The following TFAP4 variants were observed in gnomAD, a reference collection of about 807,000 sequenced individuals.
TFAP4 encodes the protein activating enhancer-binding protein 4.
Under a neutral mutation model 40.4 loss-of-function variants are expected in TFAP4, and 7 were observed. The ratio of observed to expected loss-of-function variants is 0.17; its 90% CI spans 0.10 to 0.33. The LOEUF (loss-of-function observed/expected upper bound fraction) is 0.33. Ranked by LOEUF, TFAP4 falls within the 10% of genes least tolerant of loss-of-function variation. The probability of loss-of-function intolerance (pLI) is 1.00; values close to 1 mark genes in which losing one functional copy is unlikely to be tolerated. For synonymous variants in TFAP4, 218 were observed against 181.4 expected, an observed-to-expected ratio of 1.20 and a Z score of -1.62; for missense variants, 374 against 451.1, an observed-to-expected ratio of 0.83 and a Z score of 1.55.
Position 4,257,974 on chromosome 16 carries a change from C to G in TFAP4, c.*81G>C, listed in dbSNP as rs2052910239. ...ACATCGTAATTTTGTAAAAATTTCT[C>G]ACTCATTCGCCCATGTCTCTCCCTG... On this transcript the variant is annotated 3_prime_UTR_variant, in exon 7 of 7. Transcript: ENST00000204517. The G allele has an allele frequency of 2.2e-6, 3 of 1,352,034 alleles. No homozygotes were observed. Among genetic ancestry groups the G allele is most frequent in the Non-Finnish European group, 3.0e-6 (3 of 995,196 alleles). The allele number at this position is 1,352,034 out of a possible 1,614,324, so 83.8% of individuals were successfully genotyped here.
chr16:4,272,596 C>T, intron 1 of TFAP4, 62 bp downstream of exon 1: 3 of 1,388,274 alleles, frequency 2.2e-6, no homozygotes, highest in Non-Finnish European at 2.9e-6. Flanking sequence ...GCGCGCCCGC[C>T]CGGGCGGGCT....
rs34634533 is a variant in TFAP4, at chr16:4,257,311, T to TAAAAAAAAAAAAAAAAAAAAAAAAAAAAG, written c.*743_*744insCTTTTTTTTTTTTTTTTTTTTTTTTTTTT. On this transcript the variant is annotated 3_prime_UTR_variant, in exon 7 of 7. Transcript: ENST00000204517. The stretch of plus-strand genomic sequence containing the variant: ...CTTGAACACGAAGACCTCAAAATTG[T>TAAAAAAAAAAAAAAAAAAAAAAAAAAAAG]AAAAAAAAAAAAAAAAGAAAGAAAA... 8.7e-6 allele frequency: 1 copy of TAAAAAAAAAAAAAAAAAAAAAAAAAAAAG among 114,782 alleles called. No homozygotes were observed. The highest frequency in any genetic ancestry group is 1.8e-5 in the Non-Finnish European group (1 of 55,872). 7.1% of individuals were successfully genotyped at this position (114,782 alleles called of 1,614,324 possible).
Position 4,262,429 on chromosome 16 carries a change from G to A in TFAP4, c.256-7C>T. The A allele has an allele frequency of 6.2e-7, 1 of 1,614,150 alleles. No individual in the cohort carries two copies. The highest frequency in any genetic ancestry group is 8.5e-7 in the Non-Finnish European group (1 of 1,180,006). On this transcript the variant is annotated splice_polypyrimidine_tract_variant and splice_region_variant and intron_variant, in intron 2 of 6. Coordinates refer to ENST00000204517, the MANE Select transcript of TFAP4 (RefSeq NM_003223.3). ...TCTGCTGGAGAATGGCTGCCTGAGG[G>A]CGTGGAAAAGCCGAGAGTCAGGCTG...
intron 6 of TFAP4, chr16:4,258,465 G>A (rs2052917511): frequency 5.9e-6 from 3 of 506,182 alleles, no homozygotes; most frequent in South Asian, 5.6e-5. Flanking sequence ...CCAGGCTAGA[G>A]TGCAGTGGCA....
At chr16:4,258,300 C>A (rs1171715898) in intron 6 of TFAP4, 51 bp from the exon 7 acceptor site, 1 of 1,497,646 alleles carries the variant, frequency 6.7e-7, no homozygotes, top group South Asian at 1.3e-5. Context: ...ACATGGCCAG[C>A]CAGGAGACAG....
intron 6 of TFAP4, 190 bp from the exon 7 acceptor site, chr16:4,258,439 G>A (rs2052917146): frequency 3.6e-6 from 2 of 563,096 alleles, no homozygotes; most frequent in South Asian, 2.3e-5. Context: ...TTGGAGACAA[G>A]CTCTCGCTAT....
chr16:4,269,733 C>T (rs2053026414), intron 1 of TFAP4, among the ~76,000 whole-genome samples: 1 of 151,518 alleles, frequency 6.6e-6, no homozygotes, highest in African/African-American at 2.4e-5. Flanking sequence ...TTGCTTGAAC[C>T]CCGGAGGCAG....
intron 6 of TFAP4, 24 bp downstream of exon 6, chr16:4,260,066 T>C: frequency 6.2e-7 from 1 of 1,602,114 alleles, no homozygotes; most frequent in Non-Finnish European, 8.5e-7. Context: ...CCCCACAAGC[T>C]GCCCCTTTCT....
intron 1 of TFAP4, chr16:4,263,080 G>A (rs981796337): frequency 8.2e-6 from 2 of 244,324 alleles, no homozygotes; most frequent in African/African-American, 4.5e-5. Flanking sequence ...GCTGAAGTGG[G>A]AGGATCGCTT....
chr16:4,259,353 T>G (rs1374831690), intron 6 of TFAP4, among the ~76,000 whole-genome samples: 1 of 152,050 alleles, frequency 6.6e-6, no homozygotes, highest in Non-Finnish European at 1.5e-5. Flanking sequence ...CAGGCTGGTC[T>G]CGAACTCCTG....
At chr16:4,260,392 C>G in intron 5 of TFAP4, 63 bp downstream of exon 5, 2 of 1,517,446 alleles carry the variant, frequency 1.3e-6, no homozygotes, top group East Asian at 4.6e-5. Context: ...AGGCTTCCGC[C>G]ATTCAAGATC....
At chr16:4,271,594 G>A (rs1302790441) in intron 1 of TFAP4, among the ~76,000 whole-genome samples, 1 of 152,222 alleles carries the variant, frequency 6.6e-6, no homozygotes, top group Non-Finnish European at 1.5e-5. Flanking sequence ...TGGGTTTAGA[G>A]CAACCTAGGA....
At chr16:4,268,771 T>G (rs2053017489) in intron 1 of TFAP4, among the ~76,000 whole-genome samples, 1 of 151,904 alleles carries the variant, frequency 6.6e-6, no homozygotes, top group Non-Finnish European at 1.5e-5. Context: ...TTTTTGTATT[T>G]TTAGTAGAAA....
intron 3 of TFAP4, 65 bp from the exon 4 acceptor site, chr16:4,262,014 C>T: frequency 6.8e-7 from 1 of 1,480,280 alleles, no homozygotes; most frequent in Non-Finnish European, 9.0e-7. Context: ...GATTGGGGTT[C>T]CATCGCAGCC....
At chr16:4,270,157 A>AC (rs2053030040) in intron 1 of TFAP4, among the ~76,000 whole-genome samples, 1 of 152,064 alleles carries the variant, frequency 6.6e-6, no homozygotes, top group Non-Finnish European at 1.5e-5. Context: ...ATTCTGGGTG[A>AC]CAGAGTGAGA....
At chr16:4,269,667 G>A (rs988718550) in intron 1 of TFAP4, among the ~76,000 whole-genome samples, 2 of 151,060 alleles carry the variant, frequency 1.3e-5, no homozygotes, top group South Asian at 2.1e-4. Flanking sequence ...AAAATTAGCC[G>A]GCCATGGTGG....
intron 4 of TFAP4, 26 bp downstream of exon 4, chr16:4,261,753 G>A: frequency 1.3e-6 from 2 of 1,576,150 alleles, no homozygotes; most frequent in South Asian, 1.2e-5. Context: ...ACCGCGCGCC[G>A]TGCCCAGCAG....
At chr16:4,271,326 G>T (rs1387723597) in intron 1 of TFAP4, among the ~76,000 whole-genome samples, 2 of 152,186 alleles carry the variant, frequency 1.3e-5, no homozygotes, top group Non-Finnish European at 2.9e-5. Flanking sequence ...CTCAATCCCC[G>T]CCCAGACTGC....
chr16:4,267,077 A>C (rs1055244445), intron 1 of TFAP4: 6 of 152,680 alleles, frequency 3.9e-5, no homozygotes, highest in African/African-American at 1.2e-4. Context: ...TCTGTTGCCC[A>C]GGCTAGAGTG....
Sources: allele counts gnomAD v4.1 joint callset (sites outside exome capture counted in the v4.1 genomes callset), GRCh38; gene constraint gnomAD v4.1.1; transcripts MANE v1.5; gene names NCBI Gene and HGNC (gene_info 2026-07-23, HGNC 2026-07-21).